Variants in HEBP2 observed in about 807,000 individuals in gnomAD.
The protein encoded by HEBP2 is heme-binding protein 2.
In HEBP2, 27 loss-of-function variants were observed where a neutral mutation model predicts 23.1. The ratio of observed to expected loss-of-function variants is 1.17; its 90% confidence interval spans 0.86 to 1.61. HEBP2 has a LOEUF of 1.61. Among genes scored for constraint, HEBP2 ranks in the 40% most tolerant of loss-of-function variants. HEBP2 has a pLI of 0.00. For synonymous variants in HEBP2, 99 were observed against 95.1 expected, an observed-to-expected ratio of 1.04 and a Z score of -0.24; for missense variants, 245 against 253.8, an observed-to-expected ratio of 0.97 and a Z score of 0.24.
At chr6:138,406,840 A>C (rs1246736838) in intron 3 of HEBP2, among the ~76,000 whole-genome samples, 3 of 152,108 alleles carry the variant, frequency 2.0e-5, no homozygotes, top group African/African-American at 2.4e-5. Context: ...CAGCCTGGGC[A>C]ACATGGCAAG....
At position 138,421,024 on chromosome 6, in the gene HEBP2, AAAGGCTGGCCGCTGTGGAAG is replaced by A. The variant is rs1774918633; in HGVS notation, c.*7947_*7966del. 1 of 152,212 alleles carries A rather than the reference AAAGGCTGGCCGCTGTGGAAG, an allele frequency of 6.6e-6. No individual in the cohort carries two copies. Among genetic ancestry groups the A allele is most frequent in the South Asian group, 2.1e-4 (1 of 4,834 alleles). The allele number at this position is 152,212 out of a possible 1,614,324, so 9.4% of individuals were successfully genotyped here. ...TTGCTCTACCTCTTGTTCTGTGAATAAAGGCTGGCCGCTGTGGAAGGTAGGTCAGAGCAGGCAACTGAGAG... is the reference window on the plus strand; with the variant it reads ...TTGCTCTACCTCTTGTTCTGTGAATAGTAGGTCAGAGCAGGCAACTGAGAG... On this transcript the variant is annotated 3_prime_UTR_variant, in exon 4 of 4. Coordinates refer to ENST00000607197, the MANE Select transcript of HEBP2 (RefSeq NM_014320.3).
chr6:138,403,595 G>A, upstream of HEBP2: 1 of 458,656 alleles, frequency 2.2e-6, no homozygotes. Context: ...CCGGAGCCGT[G>A]CCGGGTCCCC....
Position 138,414,637 on chromosome 6 carries a change from A to G in HEBP2, c.*1559A>G, listed in dbSNP as rs1774811550. ...GTCTTCAGGGTCCACGCCAGATTTC[A>G]AGATAAGGACACACTATTCTGTGGG... is the stretch of plus-strand genomic sequence containing the variant. On this transcript the variant is annotated 3_prime_UTR_variant, in exon 4 of 4. Transcript: ENST00000607197. 6.6e-6 allele frequency: 1 copy of G among 152,188 alleles called. No homozygotes were observed. The highest frequency in any genetic ancestry group is 2.1e-4 in the South Asian group (1 of 4,830). The allele number at this position is 152,188 out of a possible 1,614,324, so 9.4% of individuals were successfully genotyped here. A position where few individuals can be genotyped will look rare whatever the true frequency, so the allele number is the denominator to read the frequency against.
At chr6:138,412,101 A>G (rs1774756175) in intron 3 of HEBP2, 2 of 446,878 alleles carry the variant, frequency 4.5e-6, no homozygotes, top group East Asian at 1.4e-4. Flanking sequence ...AAAAGGGGCA[A>G]TGTGCAAGTG....
At chr6:138,408,504 C>G (rs1468768124) in intron 3 of HEBP2, among the ~76,000 whole-genome samples, 4 of 152,108 alleles carry the variant, frequency 2.6e-5, no homozygotes, top group African/African-American at 9.7e-5. Flanking sequence ...TGAGAATGGC[C>G]TTTACCGCAA....
chr6:138,410,990 T>A (rs943893534), intron 3 of HEBP2, among the ~76,000 whole-genome samples: 1 of 152,218 alleles, frequency 6.6e-6, no homozygotes, highest in Admixed American at 6.5e-5. Flanking sequence ...AAAGCAGACA[T>A]GGTTTGTACC....
rs770888892 is a variant in HEBP2 at position 138,406,143 on chromosome 6, G to A, written c.411G>A (p.Val137=). ...TTGAAGATAGAGCCGAAATGACTGT[G>A]TTTGTACGGTAAGTGGTAGATAATT... ...VFIEDRAEMT[V]FVRSFDGFSS... Residue 137 remains valine, a synonymous_variant, in exon 3 of 4, where the codon GTG becomes GTA. Transcript: ENST00000607197. The A allele has an allele frequency of 6.2e-7, 1 of 1,613,700 alleles. No homozygotes were observed. The highest frequency in any genetic ancestry group is 2.2e-5 in the East Asian group (1 of 44,862).
chr6:138,405,080 T>C, intron 1 of HEBP2, 65 bp from the exon 2 acceptor site: 1 of 1,556,184 alleles, frequency 6.4e-7, no homozygotes, highest in Middle Eastern at 1.7e-4. Flanking sequence ...ATGGCACCGG[T>C]ATTTTTGCAT....
chr6:138,419,952 A>C lies in HEBP2; in HGVS notation c.*6874A>C, dbSNP rs934221954. 2.0e-5 allele frequency: 3 copies of C among 152,268 alleles called. No individual in the cohort carries two copies. Among genetic ancestry groups the C allele is most frequent in the African/African-American group, 7.2e-5 (3 of 41,458 alleles). 9.4% of individuals were successfully genotyped at this position (152,268 alleles called of 1,614,324 possible). On this transcript the variant is annotated 3_prime_UTR_variant, in exon 4 of 4. Transcript: ENST00000607197. ...CTCTGTGTTCAGGGACCAGTAGGCA[A>C]GAAGTCACCATCTAGTCAAGGGTAA...
Position 138,404,607 on chromosome 6 carries a change from G to T in HEBP2, c.102+10G>T, listed in dbSNP as rs1034305597. 4.6e-5 allele frequency: 58 copies of T among 1,268,692 alleles called. No individual in the cohort carries two copies. The highest frequency in any genetic ancestry group is 8.3e-5 in the Admixed American group (2 of 23,958). The allele number at this position is 1,268,692 out of a possible 1,614,324, so 78.6% of individuals were successfully genotyped here. A position where few individuals can be genotyped will look rare whatever the true frequency, so the allele number is the denominator to read the frequency against. On this transcript the variant is annotated intron_variant, in intron 1 of 3. Coordinates refer to ENST00000607197, the MANE Select transcript of HEBP2 (RefSeq NM_014320.3). ...GGACGCCGGCCCCCAGGTAGGCGCCGACTCGGGAGCGGAGGGGCTGGGCCC... is the reference window on the plus strand; with the variant it reads ...GGACGCCGGCCCCCAGGTAGGCGCCTACTCGGGAGCGGAGGGGCTGGGCCC...
chr6:138,412,974 A>G lies in HEBP2; in HGVS notation c.514A>G (p.Lys172Glu), dbSNP rs752971605. Residue 172 changes from lysine (K) to glutamate (E), a missense_variant, in exon 4 of 4, where the codon AAG becomes GAG. Lys to Glu is a moderately conservative substitution (Grantham distance 56). Transcript: ENST00000607197. ...GGAAGATGGAAAAGTTTTCGATGAG[A>G]AGGTTTACTACACTGCAGGCTACAA... ...LREDGKVFDE[K>E]VYYTAGYNSP... 4.3e-6 allele frequency: 7 copies of G among 1,613,938 alleles called. 1 individual carries two copies. The Middle Eastern group carries it at 4.9e-4, about 114-fold the overall frequency.
rs1400386797 is a variant in HEBP2 at position 138,405,273 on chromosome 6, C to A, written c.231C>A (p.Asn77Lys). Residue 77 changes from asparagine (N) to lysine (K), a missense_variant, in exon 2 of 4, where the codon AAC (asparagine) becomes AAA (lysine). Asn to Lys is a moderately conservative substitution (Grantham distance 94, BLOSUM62 0). Coordinates refer to ENST00000607197, the MANE Select transcript of HEBP2 (RefSeq NM_014320.3). ...TGAACAGCTACATTCAAGGCAAAAA[C>A]GAGAAAGGTAAAAGCAGTTTTCCTT... ...TKLNSYIQGK[N>K]EKEMKIKMTA... 1 of 1,614,006 alleles carries A rather than the reference C, an allele frequency of 6.2e-7. No homozygotes were observed.
chr6:138,416,502 G>A lies in HEBP2; in HGVS notation c.*3424G>A, dbSNP rs1328741646. 1 of 152,452 alleles carries A rather than the reference G, an allele frequency of 6.6e-6. No homozygotes were observed. Among genetic ancestry groups the A allele is most frequent in the African/African-American group, 2.4e-5 (1 of 41,466 alleles). The allele number at this position is 152,452 out of a possible 1,614,324, so 9.4% of individuals were successfully genotyped here. A position where few individuals can be genotyped will look rare whatever the true frequency, so the allele number is the denominator to read the frequency against. On this transcript the variant is annotated 3_prime_UTR_variant, in exon 4 of 4. Transcript: ENST00000607197. The stretch of plus-strand genomic sequence containing the variant: ...GATAAGCGGGCTTGGGCATCATAAA[G>A]GAGCTCAGCGGTGGCTCTCCTCGGC...
chr6:138,421,060 C>G lies in HEBP2; in HGVS notation c.*7982C>G, dbSNP rs1348216063. 1.3e-5 allele frequency: 2 copies of G among 152,114 alleles called. No individual in the cohort carries two copies. The highest frequency in any genetic ancestry group is 2.4e-5 in the African/African-American group (1 of 41,416). The allele number at this position is 152,114 out of a possible 1,614,324, so 9.4% of individuals were successfully genotyped here. ...GCTGTGGAAGGTAGGTCAGAGCAGGCAACTGAGAGAAACTGTATTACAGTT... is the reference window on the plus strand; with the variant it reads ...GCTGTGGAAGGTAGGTCAGAGCAGGGAACTGAGAGAAACTGTATTACAGTT... On this transcript the variant is annotated 3_prime_UTR_variant, in exon 4 of 4. Coordinates refer to ENST00000607197, the MANE Select transcript of HEBP2 (RefSeq NM_014320.3).
intron 2 of HEBP2, among the ~76,000 whole-genome samples, chr6:138,405,709 ACCATGTAAT>A (rs1436069372): frequency 1.3e-5 from 2 of 152,166 alleles, no homozygotes; most frequent in African/African-American, 4.8e-5. Context: ...TAATTTACTG[ACCATGTAAT>A]CTCTAATTTC....
chr6:138,406,282 G>A, intron 3 of HEBP2, 131 bp downstream of exon 3: 1 of 781,048 alleles, frequency 1.3e-6, no homozygotes, highest in Admixed American at 2.4e-5. Context: ...ATTTTGTGAT[G>A]TTTTCCTACT....
chr6:138,409,312 A>G (rs1051594151), intron 3 of HEBP2, among the ~76,000 whole-genome samples: 1 of 152,216 alleles, frequency 6.6e-6, no homozygotes, highest in African/African-American at 2.4e-5. Flanking sequence ...CACCATGCAC[A>G]GTCAAGACAG....
Position 138,422,025 on chromosome 6 carries a change from AAAG to A in HEBP2, c.*8950_*8952del, listed in dbSNP as rs1774952876. Reference sequence around the variant, plus strand: ...TCAAAAAAAATGCATGTATAAACAAAAAGAAATATTTCAAATATTTACTTTACA... The same window carrying A: ...TCAAAAAAAATGCATGTATAAACAAAAAATATTTCAAATATTTACTTTACA... On this transcript the variant is annotated 3_prime_UTR_variant, in exon 4 of 4. Transcript: ENST00000607197. 2 of 152,360 alleles carry A rather than the reference AAAG, an allele frequency of 1.3e-5. No individual in the cohort carries two copies. The highest frequency in any genetic ancestry group is 2.1e-4 in the South Asian group (1 of 4,828). 9.4% of individuals were successfully genotyped at this position (152,360 alleles called of 1,614,324 possible). A position where few individuals can be genotyped will look rare whatever the true frequency, so the allele number is the denominator to read the frequency against.
In HEBP2 at chr6:138,404,285, T is replaced by G. The variant is rs1401609686; in HGVS notation, c.-211T>G. ...CTCCGGCCGGAGCTGTCCGGGGTCG[T>G]GAGCCGGCCCCGCCTTGGTGGCGGC... On this transcript the variant is annotated 5_prime_UTR_variant, in exon 1 of 4. Transcript: ENST00000607197. The G allele has an allele frequency of 1.2e-5, 4 of 331,294 alleles. No individual in the cohort carries two copies. In the East Asian group the frequency reaches 1.9e-4, roughly 15 times the overall value. 20.5% of individuals were successfully genotyped at this position (331,294 alleles called of 1,614,324 possible).
Sources: allele counts gnomAD v4.1 joint callset (sites outside exome capture counted in the v4.1 genomes callset), GRCh38; gene constraint gnomAD v4.1.1; transcripts MANE v1.5; gene names NCBI Gene and HGNC (gene_info 2026-07-23, HGNC 2026-07-21).